RBFOX1: variants seen among roughly 807,000 people sequenced by gnomAD.
RBFOX1 encodes the protein RNA binding fox-1 homolog 1.
Under a neutral mutation model 57.7 loss-of-function variants are expected in RBFOX1, and 8 were observed. That is an observed-to-expected ratio of 0.14 (90% CI 0.08 to 0.25). The LOEUF (loss-of-function observed/expected upper bound fraction) is 0.25, where lower values mean the gene tolerates loss of function less well. RBFOX1 is among the 10% of genes least tolerant of loss of function. The probability of loss-of-function intolerance (pLI) is 1.00; values close to 1 mark genes in which losing one functional copy is unlikely to be tolerated. For synonymous variants in RBFOX1, 326 were observed against 222.4 expected (o/e 1.47, Z -4.15); for missense variants, 611 against 548.5 (o/e 1.11, Z -1.14).
At chr16:7,141,238 G>A (rs145299300) in intron 4 of RBFOX1, among the ~76,000 whole-genome samples, 6 of 152,082 alleles carry the variant, frequency 3.9e-5, no homozygotes, top group East Asian at 1.9e-4. Flanking sequence ...GATCCAGATC[G>A]CTTCCTGCCC....
chr16:6,825,031 C>G (rs2091939842), intron 3 of RBFOX1, among the ~76,000 whole-genome samples: 2 of 97,134 alleles, frequency 2.1e-5, no homozygotes, highest in African/African-American at 7.4e-5. Flanking sequence ...GCGTCTGGCT[C>G]TGTCACCCAG....
In RBFOX1 at chr16:6,869,239, T is replaced by C. The variant is rs114131482; in HGVS notation, c.-15-182818T>C. The stretch of plus-strand genomic sequence containing the variant: ...CAGCAACACTTGCTGACCACCTATA[T>C]GTGCAAAGTGCTTGGTGTCAATATG... On this transcript the variant is annotated intron_variant, in intron 3 of 15. Coordinates refer to ENST00000550418, the MANE Select transcript of RBFOX1 (RefSeq NM_018723.4). 6.1e-3 allele frequency among the ~76,000 whole-genome samples: 936 copies of C among 152,314 alleles called. 14 individuals carry two copies. The highest frequency in any genetic ancestry group is 0.021 in the African/African-American group (887 of 41,562).
chr16:7,429,993 T>C (rs142287664), intron 4 of RBFOX1, among the ~76,000 whole-genome samples: 26 of 152,332 alleles, frequency 1.7e-4, no homozygotes, highest in African/African-American at 5.3e-4. Flanking sequence ...TGAGTTTCTC[T>C]TGGTCTAGGG....
At chr16:7,298,285 G>GTT (rs201092743) in intron 4 of RBFOX1, among the ~76,000 whole-genome samples, 1,620 of 96,468 alleles carry the variant, frequency 0.017, 27 homozygotes, top group South Asian at 0.021. Context: ...GTTTTTTTTT[G>GTT]TTTTTTTTTT....
chr16:6,046,154 G>C (rs1002973047), intron 1 of RBFOX1, among the ~76,000 whole-genome samples: 1 of 152,196 alleles, frequency 6.6e-6, no homozygotes, highest in Admixed American at 6.5e-5. Context: ...AGATATATTA[G>C]AGATGAAGAT....
chr16:7,211,943 C>T (rs1260251403), intron 4 of RBFOX1, among the ~76,000 whole-genome samples: 3 of 152,120 alleles, frequency 2.0e-5, no homozygotes, highest in African/African-American at 7.2e-5. Context: ...TTGCCTTTTC[C>T]TCTCACCCCT....
intron 2 of RBFOX1, among the ~76,000 whole-genome samples, chr16:6,320,693 C>G (rs978251573): frequency 6.6e-6 from 1 of 151,842 alleles, no homozygotes; most frequent in Non-Finnish European, 1.5e-5. Flanking sequence ...AGCAGCCAGA[C>G]GGAGCAAGTG....
rs145009570 is a variant in RBFOX1 at position 7,528,869 on chromosome 16, G to T, written c.270+10480G>T. Among the ~76,000 whole-genome samples, 3 of 152,332 alleles carry T rather than the reference G, an allele frequency of 2.0e-5. No individual in the cohort carries two copies. In the East Asian group the frequency reaches 5.8e-4, roughly 29 times the overall value. ...TGACAGAAGTTTCAGGAATGGCTCA[G>T]CCAGAACCTTGCAATGCTAGAGCTG... On this transcript the variant is annotated intron_variant, in intron 5 of 15. Transcript: ENST00000550418.
At chr16:7,387,838 T>C (rs2097910701) in intron 4 of RBFOX1, among the ~76,000 whole-genome samples, 1 of 151,882 alleles carries the variant, frequency 6.6e-6, no homozygotes, top group African/African-American at 2.4e-5. Context: ...TTAAAACGTC[T>C]CTGGAATTCT....
intron 3 of RBFOX1, among the ~76,000 whole-genome samples, chr16:6,875,438 C>T (rs554740692): frequency 6.6e-6 from 1 of 152,028 alleles, no homozygotes; most frequent in Admixed American, 6.6e-5. Context: ...TGGCTTCTTC[C>T]CAGGACTCAC....
At chr16:5,406,576 T>TTC (rs201486067) in intron 1 of RBFOX1, among the ~76,000 whole-genome samples, 158 of 151,760 alleles carry the variant, frequency 1.0e-3, no homozygotes, top group Admixed American at 2.1e-3. Context: ...CTCTCTTTAT[T>TTC]TCTCTCTCTC....
At chr16:6,668,396 A>G (rs889049100) in intron 3 of RBFOX1, among the ~76,000 whole-genome samples, 1 of 152,222 alleles carries the variant, frequency 6.6e-6, no homozygotes, top group Non-Finnish European at 1.5e-5. Flanking sequence ...CTGAGGAGTA[A>G]TACAAAGCCA....
chr16:6,931,803 G>A (rs1408849419), intron 3 of RBFOX1, among the ~76,000 whole-genome samples: 1 of 152,114 alleles, frequency 6.6e-6, no homozygotes, highest in Non-Finnish European at 1.5e-5. Context: ...AGAAAAATAA[G>A]TTTACTCAGT....
intron 1 of RBFOX1, among the ~76,000 whole-genome samples, chr16:5,389,328 CGACCTTGGCTCTATG>C (rs1287942982): frequency 1.3e-5 from 2 of 152,150 alleles, no homozygotes; most frequent in Non-Finnish European, 2.9e-5. Flanking sequence ...ACAGGCTTTT[CGACCTTGGCTCTATG>C]GACGTTTGGG....
intron 3 of RBFOX1, among the ~76,000 whole-genome samples, chr16:6,678,037 G>A (rs2058037316): frequency 6.6e-6 from 1 of 152,184 alleles, no homozygotes; most frequent in Non-Finnish European, 1.5e-5. Flanking sequence ...AGAAGAAACA[G>A]CTGAAATTAA....
intron 11 of RBFOX1, among the ~76,000 whole-genome samples, chr16:7,639,633 C>T (rs968425438): frequency 5.9e-5 from 9 of 152,182 alleles, no homozygotes; most frequent in Admixed American, 1.3e-4. Context: ...GAATTTCAAA[C>T]GCAGTGCTCC....
chr16:6,439,281 G>A (rs1048553840), intron 2 of RBFOX1, among the ~76,000 whole-genome samples: 2 of 152,194 alleles, frequency 1.3e-5, no homozygotes, highest in African/African-American at 4.8e-5. Flanking sequence ...ACTGCAGTCA[G>A]GAAGGTATAA....
intron 2 of RBFOX1, among the ~76,000 whole-genome samples, chr16:6,547,826 C>T (rs1269464868): frequency 6.6e-6 from 1 of 151,812 alleles, no homozygotes; most frequent in Non-Finnish European, 1.5e-5. Context: ...TAAACCTTGG[C>T]CTTCAAATGT....
intron 3 of RBFOX1, among the ~76,000 whole-genome samples, chr16:5,710,041 T>C (rs2051427059): frequency 1.3e-5 from 2 of 150,478 alleles, no homozygotes; most frequent in South Asian, 4.2e-4. Flanking sequence ...TTGTGATTTT[T>C]AAGTGCCCAT....
Sources: allele counts gnomAD v4.1 joint callset (sites outside exome capture counted in the v4.1 genomes callset), GRCh38; gene constraint gnomAD v4.1.1; transcripts MANE v1.5; gene names NCBI Gene and HGNC (gene_info 2026-07-23, HGNC 2026-07-21).